The following ANK3 variants were observed in gnomAD, a reference collection of about 807,000 sequenced individuals.
The protein encoded by ANK3 is ankyrin 3.
A neutral mutation model predicts 370.9 loss-of-function variants in ANK3; 57 were observed. The observed-to-expected ratio is 0.15, with a 90% CI of 0.12 to 0.19. The LOEUF (loss-of-function observed/expected upper bound fraction) is 0.19. ANK3 is among the 10% of genes least tolerant of loss of function. The pLI, the probability that ANK3 is intolerant of heterozygous loss-of-function variation, is 1.00. For synonymous variants in ANK3, 1,929 were observed against 1,946.3 expected, an observed-to-expected ratio of 0.99 and a Z score of 0.23; for missense variants, 4,439 against 5,302.1, an observed-to-expected ratio of 0.84 and a Z score of 5.06.
At chr10:60,084,416 A>AAG in intron 32 of ANK3, 186 bp downstream of exon 32, 1 of 307,292 alleles carries the variant, frequency 3.3e-6, no homozygotes, top group East Asian at 5.8e-5. Flanking sequence ...AAAAAAAAAA[A>AAG]AATTAAATTA....
intron 2 of ANK3, among the ~76,000 whole-genome samples, chr10:60,556,462 A>G (rs943955160): frequency 3.3e-5 from 5 of 152,148 alleles, no homozygotes; most frequent in African/African-American, 7.2e-5. Context: ...ATGTGACCAG[A>G]GTGATTTCAC....
At chr10:60,352,652 ACT>A (rs1256848013) in intron 1 of ANK3, among the ~76,000 whole-genome samples, 1 of 151,922 alleles carries the variant, frequency 6.6e-6, no homozygotes, top group African/African-American at 2.4e-5. Context: ...CCATCCTTGG[ACT>A]CTCTTTCAAC....
At chr10:60,247,592 A>G (rs1268327173) in intron 7 of ANK3, among the ~76,000 whole-genome samples, 1 of 152,148 alleles carries the variant, frequency 6.6e-6, no homozygotes, top group Non-Finnish European at 1.5e-5. Flanking sequence ...GATATTATAG[A>G]TACCTGTGTT....
Position 60,114,220 on chromosome 10 carries a change from CT to C in ANK3, c.2948+4del. On this transcript the variant is annotated splice_donor_region_variant and intron_variant, in intron 26 of 43. Coordinates refer to ENST00000280772, the MANE Select transcript of ANK3 (RefSeq NM_020987.5). ...ATAATGAAAAGTGACATTTAGGTTA[CT>C]TACCCAGAATGAATGGGGCTTGAAA... is the stretch of plus-strand genomic sequence containing the variant. 6.4e-7 allele frequency: 1 copy of C among 1,572,176 alleles called. No homozygotes were observed. Among genetic ancestry groups the C allele is most frequent in the South Asian group, 1.1e-5 (1 of 87,196 alleles).
chr10:60,269,082 T>A (rs748638424), intron 5 of ANK3, among the ~76,000 whole-genome samples: 15 of 152,208 alleles, frequency 9.9e-5, no homozygotes, highest in Non-Finnish European at 1.9e-4. Flanking sequence ...TAGTGGTTTA[T>A]AATAGGGATA....
intron 21 of ANK3, among the ~76,000 whole-genome samples, chr10:60,171,432 T>A (rs2095792030): frequency 6.6e-6 from 1 of 152,160 alleles, no homozygotes. Flanking sequence ...CAAACTAATT[T>A]GCAGATGCTA....
At chr10:60,269,511 G>C (rs1330818127) in intron 5 of ANK3, among the ~76,000 whole-genome samples, 1 of 151,962 alleles carries the variant, frequency 6.6e-6, no homozygotes, top group Non-Finnish European at 1.5e-5. Context: ...ATGTGTGGGT[G>C]GTGGGCACCT....
chr10:60,400,849 A>C (rs899641023), intron 2 of ANK3, among the ~76,000 whole-genome samples: 2 of 152,104 alleles, frequency 1.3e-5, no homozygotes, highest in Admixed American at 6.5e-5. Context: ...TATTTTTCTT[A>C]ATGCTCTCCC....
chr10:60,106,125 A>G, intron 27 of ANK3, 66 bp from the exon 28 acceptor site: 1 of 1,403,886 alleles, frequency 7.1e-7, no homozygotes, highest in Non-Finnish European at 9.5e-7. Flanking sequence ...TACTTAAAAA[A>G]TGTTTCGTTA....
At chr10:60,588,984 T>C (rs1309994350) in intron 2 of ANK3, among the ~76,000 whole-genome samples, 1 of 152,162 alleles carries the variant, frequency 6.6e-6, no homozygotes, top group African/African-American at 2.4e-5. Context: ...GTCTGTTGAT[T>C]AAGAGACTTA....
intron 2 of ANK3, among the ~76,000 whole-genome samples, chr10:60,572,120 T>A (rs548518169): frequency 4.6e-5 from 7 of 152,340 alleles, no homozygotes; most frequent in African/African-American, 1.7e-4. Flanking sequence ...CCCTGTTGAT[T>A]AACGAGCATT....
At chr10:60,676,791 T>C (rs916120107) in intron 1 of ANK3, among the ~76,000 whole-genome samples, 1 of 152,194 alleles carries the variant, frequency 6.6e-6, no homozygotes, top group Non-Finnish European at 1.5e-5. Context: ...TAGTTTCAAA[T>C]ATACGGTTAG....
At chr10:60,526,371 T>G (rs1014103051) in intron 2 of ANK3, among the ~76,000 whole-genome samples, 8 of 152,152 alleles carry the variant, frequency 5.3e-5, no homozygotes, top group African/African-American at 1.9e-4. Context: ...AGTATCAATC[T>G]CAGCTGAGGC....
At chr10:60,618,170 T>A (rs1471875846) in intron 1 of ANK3, among the ~76,000 whole-genome samples, 1 of 152,170 alleles carries the variant, frequency 6.6e-6, no homozygotes, top group Non-Finnish European at 1.5e-5. Flanking sequence ...CCACGTTATC[T>A]GGTTCCAGTG....
chr10:60,141,572 T>TTTTTTTTTTTTTA (rs2094565806), intron 23 of ANK3, among the ~76,000 whole-genome samples: 1 of 19,690 alleles, frequency 5.1e-5, no homozygotes, highest in African/African-American at 8.6e-5. Context: ...TTTTTTTTTT[T>TTTTTTTTTTTTTA]TTTTTTTTTT....
chr10:60,623,345 T>C (rs1432926709), intron 1 of ANK3, among the ~76,000 whole-genome samples: 1 of 152,180 alleles, frequency 6.6e-6, no homozygotes, highest in East Asian at 1.9e-4. Context: ...TAAATCTATT[T>C]TAAGCAATTA....
rs267602538 is a variant in ANK3 at position 60,075,943 on chromosome 10, G to A, written c.4938C>T (p.Ser1646=). 6.2e-7 allele frequency: 1 copy of A among 1,614,118 alleles called. No homozygotes were observed. Among genetic ancestry groups the A allele is most frequent in the East Asian group, 2.2e-5 (1 of 44,866 alleles). ...AATACATATTAATGTTTGATTTGGGGGAGGCAGGGGGTGTCATAGTAATTG... is the reference window on the plus strand; with the variant it reads ...AATACATATTAATGTTTGATTTGGGAGAGGCAGGGGGTGTCATAGTAATTG... ...RSSITMTPPA[S]PKSNINMYSS... Residue 1646 remains serine (S), a synonymous_variant, in exon 37 of 44, where the codon TCC becomes TCT. Transcript: ENST00000280772.
chr10:60,695,845 G>C (rs1050479382), intron 1 of ANK3, among the ~76,000 whole-genome samples: 1 of 151,876 alleles, frequency 6.6e-6, no homozygotes, highest in Admixed American at 6.6e-5. Context: ...AAAAGAACTA[G>C]AAAAGCAAGA....
At chr10:60,066,193 A>C (rs1373626884) in intron 38 of ANK3, among the ~76,000 whole-genome samples, 5 of 152,142 alleles carry the variant, frequency 3.3e-5, no homozygotes. Flanking sequence ...TTCATGACAA[A>C]ACTGTATCCA....
Sources: allele counts gnomAD v4.1 joint callset (sites outside exome capture counted in the v4.1 genomes callset), GRCh38; gene constraint gnomAD v4.1.1; transcripts MANE v1.5; gene names NCBI Gene and HGNC (gene_info 2026-07-23, HGNC 2026-07-21).